Variants in LRP1 observed in about 807,000 individuals in gnomAD.
The protein encoded by LRP1 is LDL receptor related protein 1, also known as prolow-density lipoprotein receptor-related protein 1.
Under a neutral mutation model 541.5 loss-of-function variants are expected in LRP1, and 51 were observed. That is an observed-to-expected ratio of 0.09 (90% confidence interval 0.08 to 0.12). The LOEUF is 0.12. Ranked by LOEUF, LRP1 falls within the 10% of genes least tolerant of loss-of-function variation. LRP1 has a pLI of 1.00. For synonymous variants in LRP1, 2,219 were observed against 2,470.8 expected (o/e 0.90, Z 3.02); for missense variants, 3,878 against 6,376.2 (o/e 0.61, Z 13.34).
At chr12:57,191,698 A>G (rs2036384791) in intron 44 of LRP1, among the ~76,000 whole-genome samples, 186 bp downstream of exon 44, 1 of 46,704 alleles carries the variant, frequency 2.1e-5, no homozygotes, top group Non-Finnish European at 5.0e-5. Context: ...CACACACTCA[A>G]CACATACACA....
rs1047681334 is a variant in LRP1, at chr12:57,180,389, A to G, written c.5296A>G (p.Ile1766Val). ...LYWISSGNHT[I>V]NRCNLDGSGL... ...CTGGATCAGCTCCGGGAACCATACC[A>G]TCAACCGCTGCAACCTGGATGGGAG... The change falls in exon 32 of 89, where the codon ATC becomes GTC. Residue 1766 changes from isoleucine to valine, a missense_variant. By Grantham distance (29) the Ile-to-Val change is conservative. Around this residue, in one of 13 missense-constraint regions of LRP1, gnomAD observed 394 missense variants for 635.9 expected, o/e 0.62. Coordinates refer to ENST00000243077, the MANE Select transcript of LRP1 (RefSeq NM_002332.3). 6.2e-7 allele frequency: 1 copy of G among 1,614,156 alleles called. No homozygotes were observed. Among genetic ancestry groups the G allele is most frequent in the African/African-American group, 1.3e-5 (1 of 75,062 alleles).
chr12:57,198,436 C>G (rs750316014), intron 59 of LRP1, 29 bp from the exon 60 acceptor site: 2 of 1,611,136 alleles, frequency 1.2e-6, no homozygotes, highest in Non-Finnish European at 8.5e-7. Context: ...TACGGGATCT[C>G]CCAGGGCTCA....
At chr12:57,152,978 C>A (rs1469111212) in intron 6 of LRP1, among the ~76,000 whole-genome samples, 1 of 152,134 alleles carries the variant, frequency 6.6e-6, no homozygotes, top group Non-Finnish European at 1.5e-5. Context: ...AGGGGTCAAG[C>A]AGAACAGCAA....
At chr12:57,141,341 C>G (rs1450335944) in intron 2 of LRP1, 33 bp from the exon 3 acceptor site, 3 of 1,613,364 alleles carry the variant, frequency 1.9e-6, no homozygotes, top group Non-Finnish European at 2.5e-6. Flanking sequence ...CCATAGCCAG[C>G]TTGTTCATGC....
chr12:57,198,404 G>T, intron 59 of LRP1, 61 bp downstream of exon 59: 1 of 1,604,728 alleles, frequency 6.2e-7, no homozygotes, highest in Non-Finnish European at 8.5e-7. Context: ...CAGCCTCCCT[G>T]CAGGCCACTG....
chr12:57,143,602 T>G, intron 3 of LRP1, 77 bp from the exon 4 acceptor site: 2 of 1,545,396 alleles, frequency 1.3e-6, no homozygotes, highest in Non-Finnish European at 8.8e-7. Flanking sequence ...GTTGACTGGG[T>G]TTAGGGGAAG....
At position 57,146,940 on chromosome 12, in the gene LRP1, G is replaced by A. The variant is rs561485270; in HGVS notation, c.841+1450G>A. Among the ~76,000 whole-genome samples, 7 of 151,968 alleles carry A rather than the reference G, an allele frequency of 4.6e-5. No homozygotes were observed. The East Asian group carries it at 1.4e-3, about 30-fold the overall frequency. On this transcript the variant is annotated intron_variant, in intron 6 of 88. Transcript: ENST00000243077. The stretch of plus-strand genomic sequence containing the variant: ...AGACAGCTTGTCAGTTTCCTCCCCA[G>A]CCCTGCATCTTGCCATACAGTGGGC...
rs188518596 is a variant in LRP1, at chr12:57,209,073, C to T, written c.12146-10C>T. 8 of 1,606,970 alleles carry T rather than the reference C, an allele frequency of 5.0e-6. No individual in the cohort carries two copies. In the African/African-American group the frequency reaches 9.4e-5, roughly 19 times the overall value. On this transcript the variant is annotated splice_polypyrimidine_tract_variant and intron_variant, in intron 78 of 88. Transcript: ENST00000243077. ...AGGCCAAGCTCTCACAGTGCTCTCT[C>T]TCTCCCCAGGCCTGGCCGTGGATTA...
chr12:57,149,083 CT>C, intron 6 of LRP1: 1 of 529,348 alleles, frequency 1.9e-6, no homozygotes, highest in Non-Finnish European at 3.4e-6. Flanking sequence ...AATGAACTGG[CT>C]GCTGCTGCTG....
chr12:57,185,310 C>T lies in LRP1; in HGVS notation c.6463+105C>T. 1 of 1,495,320 alleles carries T rather than the reference C, an allele frequency of 6.7e-7. No homozygotes were observed. Among genetic ancestry groups the T allele is most frequent in the Middle Eastern group, 2.1e-4 (1 of 4,754 alleles). The allele number at this position is 1,495,320 out of a possible 1,614,324, so 92.6% of individuals were successfully genotyped here. A position where few individuals can be genotyped will look rare whatever the true frequency, so the allele number is the denominator to read the frequency against. The stretch of plus-strand genomic sequence containing the variant: ...TGAGAGGGCTGGGAGACAAGTTAGA[C>T]CCATGGGGCAACTTCCGATGGCCCG... On this transcript the variant is annotated intron_variant, in intron 40 of 88. Transcript: ENST00000243077. This position sits in a 1 kb window ranked among gnomAD's most constrained non-coding sequence, Gnocchi z 4.9.
rs1421667129 is a variant in LRP1, at chr12:57,200,045, C to T, written c.10014+20C>T. 3 of 1,579,842 alleles carry T rather than the reference C, an allele frequency of 1.9e-6. No individual in the cohort carries two copies. In the African/African-American group the frequency reaches 4.1e-5, roughly 22 times the overall value. On this transcript the variant is annotated intron_variant, in intron 62 of 88. Coordinates refer to ENST00000243077, the MANE Select transcript of LRP1 (RefSeq NM_002332.3). ...AGCCAGGTGAGGCTGTCCCCCAGAC[C>T]CCATCACCAGTGCCCGCTCCCCAAC...
At chr12:57,209,271 G>T (rs2036855611) in intron 79 of LRP1, 72 bp downstream of exon 79, 12 of 1,230,540 alleles carry the variant, frequency 9.8e-6, no homozygotes, top group Non-Finnish European at 1.4e-5. Context: ...TGAGCCAAAG[G>T]CCTCACTTCA....
rs1405536263 is a variant in LRP1, at chr12:57,204,086, C to CCA, written c.10952-323_10952-322insAC. 6 of 249,726 alleles carry CCA rather than the reference C, an allele frequency of 2.4e-5. No homozygotes were observed. Among genetic ancestry groups the CCA allele is most frequent in the African/African-American group, 8.9e-5 (4 of 44,752 alleles). The allele number at this position is 249,726 out of a possible 1,614,324, so 15.5% of individuals were successfully genotyped here. A position where few individuals can be genotyped will look rare whatever the true frequency, so the allele number is the denominator to read the frequency against. On this transcript the variant is annotated intron_variant, in intron 70 of 88. Transcript: ENST00000243077. This position sits in a 1 kb window ranked among gnomAD's most constrained non-coding sequence, Gnocchi z 5.3. ...TTCCATTCCCAGCCCAGTGCTGTTC[C>CCA]CGCGTCCCCGCTGTGGAACTACACA...
Position 57,184,217 on chromosome 12 carries a change from G to A in LRP1, c.6059+3G>A. 6.2e-7 allele frequency: 1 copy of A among 1,613,706 alleles called. No individual in the cohort carries two copies. The highest frequency in any genetic ancestry group is 1.3e-5 in the African/African-American group (1 of 75,050). ...ATCACCGTCCACCCGGAGAAAGGGT[G>A]AGGAGCTGGAAAGACTGGCCTTGTC... On this transcript the variant is annotated splice_donor_region_variant and intron_variant, in intron 37 of 88. Coordinates refer to ENST00000243077, the MANE Select transcript of LRP1 (RefSeq NM_002332.3). The surrounding 1 kb of genome is among the most constrained non-coding windows in gnomAD (Gnocchi z 7.8).
Position 57,154,583 on chromosome 12 carries a change from A to G in LRP1, c.1109A>G (p.His370Arg), listed in dbSNP as rs1592614807. 5.0e-6 allele frequency: 8 copies of G among 1,613,762 alleles called. No homozygotes were observed. The highest frequency in any genetic ancestry group is 5.9e-6 in the Non-Finnish European group (7 of 1,179,798). ...GTCGACAGCAAGATTGTGTTTCCTCATGGCATCACGCTGGACCTGGTCAGC... is the reference window on the plus strand; with the variant it reads ...GTCGACAGCAAGATTGTGTTTCCTCGTGGCATCACGCTGGACCTGGTCAGC... ...KLVDSKIVFP[H>R]GITLDLVSRL... The change falls in exon 8 of 89, where the codon CAT becomes CGT. Residue 370 changes from histidine (H) to arginine (R), a missense_variant. By Grantham distance (29) the His-to-Arg change is conservative. Coordinates refer to ENST00000243077, the MANE Select transcript of LRP1 (RefSeq NM_002332.3). The surrounding 1 kb of genome is among the most constrained non-coding windows in gnomAD (Gnocchi z 4.6).
At position 57,211,321 on chromosome 12, in the gene LRP1, C is replaced by T. The variant is rs757001608; in HGVS notation, c.13062C>T (p.Val4354=). The change falls in exon 84 of 89, where the codon GTC becomes GTT. Residue 4354 remains valine, a synonymous_variant. Transcript: ENST00000243077. This position sits in a 1 kb window ranked among gnomAD's most constrained non-coding sequence, Gnocchi z 4.3. ...CSRCLEGACV[V]NKQSGDVTCN... ...GCTGTCTCGAAGGGGCCTGTGTGGT[C>T]AACAAGCAGAGTGGGGATGTCACCT... 1.2e-6 allele frequency: 2 copies of T among 1,614,098 alleles called. No individual in the cohort carries two copies. Among genetic ancestry groups the T allele is most frequent in the South Asian group, 1.1e-5 (1 of 91,066 alleles).
rs770347168 is a variant in LRP1 at position 57,183,877 on chromosome 12, G to A, written c.5897G>A (p.Arg1966His). 2 of 1,614,202 alleles carry A rather than the reference G, an allele frequency of 1.2e-6. No homozygotes were observed. Among genetic ancestry groups the A allele is most frequent in the Non-Finnish European group, 1.7e-6 (2 of 1,180,046 alleles). ...REDVVTNGIG[R>H]VEGIAVDWIA... ...GACGTGGTGACCAATGGCATTGGCC[G>A]TGTGGAGGGCATTGCAGTGGACTGG... Residue 1966 changes from arginine (R) to histidine (H), a missense_variant, in exon 36 of 89, where the codon CGT (arginine) becomes CAT (histidine). Around this residue, in one of 13 missense-constraint regions of LRP1, gnomAD observed 394 missense variants for 635.9 expected, o/e 0.62. Transcript: ENST00000243077. This position sits in a 1 kb window ranked among gnomAD's most constrained non-coding sequence, Gnocchi z 6.1.
chr12:57,178,783 G>A lies in LRP1; in HGVS notation c.4607-107G>A, dbSNP rs911324927. Reference sequence around the variant, plus strand: ...CAGCAGAGAAGGGTCTAGTAGTAGCGGCTGCTGGAACAGGGGGAGGAGAGT... The same window carrying A: ...CAGCAGAGAAGGGTCTAGTAGTAGCAGCTGCTGGAACAGGGGGAGGAGAGT... On this transcript the variant is annotated intron_variant, in intron 27 of 88. Coordinates refer to ENST00000243077, the MANE Select transcript of LRP1 (RefSeq NM_002332.3). The surrounding 1 kb of genome is among the most constrained non-coding windows in gnomAD (Gnocchi z 5.8). 1.1e-5 allele frequency: 16 copies of A among 1,514,410 alleles called. No individual in the cohort carries two copies. Among genetic ancestry groups the A allele is most frequent in the African/African-American group, 1.4e-5 (1 of 72,506 alleles). 93.8% of individuals were successfully genotyped at this position (1,514,410 alleles called of 1,614,324 possible). A position where few individuals can be genotyped will look rare whatever the true frequency, so the allele number is the denominator to read the frequency against.
chr12:57,180,425 G>A lies in LRP1; in HGVS notation c.5332G>A (p.Val1778Ile). Residue 1778 changes from valine to isoleucine, a missense_variant, in exon 32 of 89, where the codon GTC becomes ATC. Val to Ile is a conservative substitution (Grantham distance 29). This residue lies in a region of LRP1 where 394 missense variants were observed against 635.9 expected (regional missense o/e 0.62). Coordinates refer to ENST00000243077, the MANE Select transcript of LRP1 (RefSeq NM_002332.3). Reference sequence around the variant, plus strand: ...CAACCTGGATGGGAGTGGGCTGGAGGTCATCGATGCCATGCGGAGCCAGCT... The same window carrying A: ...CAACCTGGATGGGAGTGGGCTGGAGATCATCGATGCCATGCGGAGCCAGCT... ...RCNLDGSGLE[V>I]IDAMRSQLGK... The A allele has an allele frequency of 6.2e-7, 1 of 1,614,152 alleles. No individual in the cohort carries two copies. Among genetic ancestry groups the A allele is most frequent in the Non-Finnish European group, 8.5e-7 (1 of 1,180,038 alleles).
Sources: allele counts gnomAD v4.1 joint callset (sites outside exome capture counted in the v4.1 genomes callset), GRCh38; gene constraint gnomAD v4.1.1; regional missense constraint gnomAD v4.1.1; non-coding constraint Gnocchi (gnomAD v3.1); transcripts MANE v1.5; gene names NCBI Gene and HGNC (gene_info 2026-07-23, HGNC 2026-07-21).